Variants in PDE4A observed in about 807,000 individuals in gnomAD.
PDE4A encodes the protein 3',5'-cyclic-AMP phosphodiesterase 4A.
In PDE4A, 21 loss-of-function variants were observed where a neutral mutation model predicts 73.9. The observed-to-expected ratio is 0.28, with a 90% CI of 0.20 to 0.41. The LOEUF (loss-of-function observed/expected upper bound fraction) is 0.41. Ranked by LOEUF, PDE4A falls within the 10% of genes least tolerant of loss-of-function variation. The pLI is 1.00. For missense variants in PDE4A, 958 were observed against 1,211.4 expected (o/e 0.79, Z 3.10); for synonymous variants, 463 against 505.4 (o/e 0.92, Z 1.13).
chr19:10,445,999 G>C (rs1011603990), intron 1 of PDE4A: 15 of 209,794 alleles, frequency 7.1e-5, no homozygotes, highest in Admixed American at 4.6e-4. Context: ...CACCATGCCC[G>C]GCTAATTTTT....
chr19:10,451,698 C>T (rs1175970861), intron 6 of PDE4A, among the ~76,000 whole-genome samples: 2 of 151,934 alleles, frequency 1.3e-5, no homozygotes, highest in African/African-American at 2.4e-5. Flanking sequence ...TTTGCAGGGC[C>T]GTAGGGGTGA....
chr19:10,459,617 T>G lies in PDE4A; in HGVS notation c.1223T>G (p.Phe408Cys). ...CAGGAGCGGGACCTGCTGAAGAAAT[T>G]CCGCATCCCTGTGGACACGATGGTG... Reference protein sequence around the residue: ...IFQERDLLKKFRIPVDTMVTY... With the variant: ...IFQERDLLKKCRIPVDTMVTY... The change falls in exon 10 of 15, where the codon TTC becomes TGC. Residue 408 changes from phenylalanine (F) to cysteine (C), a missense_variant. This residue lies in a region of PDE4A where 570 missense variants were observed against 827.7 expected (regional missense o/e 0.69). Coordinates refer to ENST00000380702, the MANE Select transcript of PDE4A (RefSeq NM_001111307.2). 6.2e-7 allele frequency: 1 copy of G among 1,614,132 alleles called. No homozygotes were observed. The highest frequency in any genetic ancestry group is 8.5e-7 in the Non-Finnish European group (1 of 1,179,994).
chr19:10,466,444 CAAAAAAAA>C (rs367836712), intron 14 of PDE4A, among the ~76,000 whole-genome samples: 1 of 63,476 alleles, frequency 1.6e-5, no homozygotes, highest in African/African-American at 6.1e-5. Flanking sequence ...GACTCCGTCT[CAAAAAAAA>C]AAAAAAAAAA....
intron 1 of PDE4A, among the ~76,000 whole-genome samples, chr19:10,444,452 C>T (rs892496013): frequency 4.0e-5 from 6 of 151,160 alleles, no homozygotes; most frequent in African/African-American, 7.3e-5. Context: ...GAGCTGAGAT[C>T]GCGCCATTGC....
chr19:10,428,390 GAGAT>G (rs1237455177), intron 1 of PDE4A, among the ~76,000 whole-genome samples: 13 of 132,494 alleles, frequency 9.8e-5, no homozygotes, highest in South Asian at 5.1e-4. Flanking sequence ...GAGAGAGAGA[GAGAT>G]ATTGAGAGAG....
At chr19:10,464,440 C>T (rs896265760) in intron 14 of PDE4A, 13 of 455,064 alleles carry the variant, frequency 2.9e-5, no homozygotes, top group East Asian at 6.9e-5. Context: ...ATTTTGAGAC[C>T]GGGTCTTGCA....
At chr19:10,431,629 C>T (rs1415640045) in intron 1 of PDE4A, among the ~76,000 whole-genome samples, 1 of 152,200 alleles carries the variant, frequency 6.6e-6, no homozygotes, top group Non-Finnish European at 1.5e-5. Context: ...GTTGGCAGCC[C>T]GGAGTTGGGC....
At position 10,469,309 on chromosome 19, in the gene PDE4A, G is replaced by A. The variant is rs1305072388; in HGVS notation, c.*1688G>A. 3.9e-5 allele frequency: 6 copies of A among 152,256 alleles called. No homozygotes were observed. The highest frequency in any genetic ancestry group is 8.8e-5 in the Non-Finnish European group (6 of 68,028). The allele number at this position is 152,256 out of a possible 1,614,324, so 9.4% of individuals were successfully genotyped here. On this transcript the variant is annotated 3_prime_UTR_variant, in exon 15 of 15. Coordinates refer to ENST00000380702, the MANE Select transcript of PDE4A (RefSeq NM_001111307.2). ...GGGAAGGTAGGGAAGGAGGTCTCCCGTTGGGAGAGTCTCTGTTCCTGCTGT... is the reference window on the plus strand; with the variant it reads ...GGGAAGGTAGGGAAGGAGGTCTCCCATTGGGAGAGTCTCTGTTCCTGCTGT...
intron 7 of PDE4A, among the ~76,000 whole-genome samples, chr19:10,457,287 T>C (rs995567654): frequency 6.6e-6 from 1 of 152,142 alleles, no homozygotes; most frequent in African/African-American, 2.4e-5. Context: ...GAGCATAACA[T>C]GTAAATGACC....
chr19:10,453,016 C>A lies in PDE4A; in HGVS notation c.784-1813C>A, dbSNP rs1463226312. 115 of 1,316,108 alleles carry A rather than the reference C, an allele frequency of 8.7e-5. No individual in the cohort carries two copies. In the East Asian group the frequency reaches 3.6e-3, roughly 41 times the overall value. The allele number at this position is 1,316,108 out of a possible 1,614,324, so 81.5% of individuals were successfully genotyped here. A position where few individuals can be genotyped will look rare whatever the true frequency, so the allele number is the denominator to read the frequency against. On this transcript the variant is annotated intron_variant, in intron 6 of 14. Transcript: ENST00000380702. This position sits in a 1 kb window ranked among gnomAD's most constrained non-coding sequence, Gnocchi z 4.6. ...CCCTCCCATGGGCACGGACCCCCCA[C>A]CGCCTCCACCCACTGCCGCGGGGGG... is the stretch of plus-strand genomic sequence containing the variant.
Position 10,453,317 on chromosome 19 carries a change from C to G in PDE4A, c.784-1512C>G. 1 of 1,613,066 alleles carries G rather than the reference C, an allele frequency of 6.2e-7. No individual in the cohort carries two copies. Among genetic ancestry groups the G allele is most frequent in the Non-Finnish European group, 8.5e-7 (1 of 1,179,468 alleles). Reference sequence around the variant, plus strand: ...CCTGCTCTAAGCCTTGGCTGGTGGGCTGGTGGGACCAGGTAGGAGAGTGCA... The same window carrying G: ...CCTGCTCTAAGCCTTGGCTGGTGGGGTGGTGGGACCAGGTAGGAGAGTGCA... On this transcript the variant is annotated intron_variant, in intron 6 of 14. Coordinates refer to ENST00000380702, the MANE Select transcript of PDE4A (RefSeq NM_001111307.2). This position sits in a 1 kb window ranked among gnomAD's most constrained non-coding sequence, Gnocchi z 4.6.
chr19:10,453,656 A>G lies in PDE4A; in HGVS notation c.784-1173A>G, dbSNP rs2043128796. On this transcript the variant is annotated intron_variant, in intron 6 of 14. Coordinates refer to ENST00000380702, the MANE Select transcript of PDE4A (RefSeq NM_001111307.2). This position sits in a 1 kb window ranked among gnomAD's most constrained non-coding sequence, Gnocchi z 4.6. ...TGTCTGAGATCATCTGGCTCTGACC[A>G]TGGTGTTGTGTGTTGGGTTGTGTGT... Among the ~76,000 whole-genome samples, 1 of 151,946 alleles carries G rather than the reference A, an allele frequency of 6.6e-6. No individual in the cohort carries two copies. Among genetic ancestry groups the G allele is most frequent in the Non-Finnish European group, 1.5e-5 (1 of 67,974 alleles).
intron 6 of PDE4A, among the ~76,000 whole-genome samples, chr19:10,451,737 G>A (rs1029313895): frequency 6.6e-6 from 1 of 152,096 alleles, no homozygotes; most frequent in African/African-American, 2.4e-5. Context: ...CAGTTGTGCA[G>A]ACGGTGCACT....
In PDE4A at chr19:10,424,989, A is replaced by C. The variant is rs141754729; in HGVS notation, c.320+3905A>C. ...GTAATCTGAGCACTTTGGGAGACCGAGGTGGGCGGATCACGAATGAGGTCA... is the reference window on the plus strand; with the variant it reads ...GTAATCTGAGCACTTTGGGAGACCGCGGTGGGCGGATCACGAATGAGGTCA... On this transcript the variant is annotated intron_variant, in intron 1 of 14. Coordinates refer to ENST00000380702, the MANE Select transcript of PDE4A (RefSeq NM_001111307.2). The surrounding 1 kb of genome is among the most constrained non-coding windows in gnomAD (Gnocchi z 4.8). Among the ~76,000 whole-genome samples, 477 of 152,312 alleles carry C rather than the reference A, an allele frequency of 3.1e-3. 1 individual carries two copies. The highest frequency in any genetic ancestry group is 6.8e-3 in the Middle Eastern group (2 of 294).
chr19:10,460,163 G>A (rs998158208), intron 10 of PDE4A, among the ~76,000 whole-genome samples: 4 of 151,770 alleles, frequency 2.6e-5, no homozygotes, highest in South Asian at 4.1e-4. Context: ...GAGTAGAGGC[G>A]TGAGCCACTG....
At chr19:10,450,711 C>G in intron 5 of PDE4A, 59 bp downstream of exon 5, 1 of 1,588,630 alleles carries the variant, frequency 6.3e-7, no homozygotes, top group Non-Finnish European at 8.6e-7. Context: ...GGGGGTCCCT[C>G]AGCCCCTTCC....
intron 1 of PDE4A, among the ~76,000 whole-genome samples, chr19:10,421,643 T>C (rs1009777598): frequency 2.0e-5 from 3 of 152,106 alleles, no homozygotes; most frequent in African/African-American, 4.8e-5. Context: ...GGGGGAGCAC[T>C]GTTTTGGGAG....
intron 13 of PDE4A, 122 bp downstream of exon 13, chr19:10,462,121 T>G: frequency 1.3e-6 from 1 of 761,052 alleles, no homozygotes; most frequent in Non-Finnish European, 2.1e-6. Context: ...TCCTGTGTCC[T>G]TCTTTCTTTT....
At position 10,463,791 on chromosome 19, in the gene PDE4A, A is replaced by G; in HGVS notation, c.1744-2A>G. 1 of 1,613,968 alleles carries G rather than the reference A, an allele frequency of 6.2e-7. No individual in the cohort carries two copies. Among genetic ancestry groups the G allele is most frequent in the Non-Finnish European group, 8.5e-7 (1 of 1,179,880 alleles). ...TTTCCCCTGTGCCCCAACCCCATGC[A>G]GGTCCTCCGGAACATGGTGCACTGT... On this transcript the variant is annotated splice_acceptor_variant, in intron 13 of 14. Transcript: ENST00000380702. LOFTEE classifies it high-confidence loss of function.
Sources: gnomAD v4.1 joint callset for allele counts (sites outside exome capture counted in the v4.1 genomes callset) on GRCh38, gnomAD v4.1.1 for gene constraint, gnomAD v4.1.1 regional missense constraint, Gnocchi (gnomAD v3.1) non-coding constraint, MANE v1.5 for transcripts, NCBI Gene and HGNC (gene_info 2026-07-23, HGNC 2026-07-21) for gene names.